Variants in ITGA2 observed in about 807,000 individuals in gnomAD.
The protein encoded by ITGA2 is integrin alpha-2.
Under a neutral mutation model 146.3 loss-of-function variants are expected in ITGA2, and 101 were observed. The observed-to-expected ratio is 0.69, with a 90% CI of 0.59 to 0.81. The LOEUF is 0.81. Among genes scored for constraint, ITGA2 ranks in the 40% least tolerant of loss-of-function variants. The pLI, the probability that ITGA2 is intolerant of heterozygous loss-of-function variation, is 0.00. For missense variants in ITGA2, 1,281 were observed against 1,402.7 expected, an observed-to-expected ratio of 0.91 and a Z score of 1.39; for synonymous variants, 477 against 487.1, an observed-to-expected ratio of 0.98 and a Z score of 0.27.
chr5:53,028,472 T>C (rs1743058716), intron 2 of ITGA2, among the ~76,000 whole-genome samples: 1 of 152,222 alleles, frequency 6.6e-6, no homozygotes, highest in Non-Finnish European at 1.5e-5. Flanking sequence ...GAGTTGCATG[T>C]CTAACAATTA....
chr5:53,026,633 A>T (rs3212667), intron 1 of ITGA2, 115 bp from the exon 2 acceptor site: 1 of 924,450 alleles, frequency 1.1e-6, no homozygotes, highest in Non-Finnish European at 1.7e-6. Flanking sequence ...GTAAACGTTG[A>T]TAAGTAATAA....
Position 53,094,003 on chromosome 5 carries a change from T to C in ITGA2, c.*3404T>C, listed in dbSNP as rs1183806468. On this transcript the variant is annotated 3_prime_UTR_variant, in exon 30 of 30. Coordinates refer to ENST00000296585, the MANE Select transcript of ITGA2 (RefSeq NM_002203.4). ...GAGTAAAACTAAAGCCAATTTATTATAGTCACACAAGTGATTATACTAAAA... is the reference window on the plus strand; with the variant it reads ...GAGTAAAACTAAAGCCAATTTATTACAGTCACACAAGTGATTATACTAAAA... 1 of 152,594 alleles carries C rather than the reference T, an allele frequency of 6.6e-6. No homozygotes were observed. Among genetic ancestry groups the C allele is most frequent in the Admixed American group, 6.5e-5 (1 of 15,282 alleles). 9.5% of individuals were successfully genotyped at this position (152,594 alleles called of 1,614,324 possible).
chr5:52,992,902 C>T (rs2111652312), intron 1 of ITGA2, among the ~76,000 whole-genome samples: 1 of 152,262 alleles, frequency 6.6e-6, no homozygotes, highest in South Asian at 2.1e-4. Context: ...CATTCACACA[C>T]ACACACCACA....
rs925967109 is a variant in ITGA2 at position 53,091,930 on chromosome 5, C to A, written c.*1331C>A. On this transcript the variant is annotated 3_prime_UTR_variant, in exon 30 of 30. Coordinates refer to ENST00000296585, the MANE Select transcript of ITGA2 (RefSeq NM_002203.4). ...TAGCAGGTGCACCTTCTGTGGCTGT[C>A]TTGTTTCTGAAGTACTTAAACTTCC... is the stretch of plus-strand genomic sequence containing the variant. 1.3e-5 allele frequency: 2 copies of A among 152,198 alleles called. No individual in the cohort carries two copies. Among genetic ancestry groups the A allele is most frequent in the Non-Finnish European group, 2.9e-5 (2 of 68,054 alleles). The allele number at this position is 152,198 out of a possible 1,614,324, so 9.4% of individuals were successfully genotyped here. A position where few individuals can be genotyped will look rare whatever the true frequency, so the allele number is the denominator to read the frequency against.
intron 7 of ITGA2, among the ~76,000 whole-genome samples, chr5:53,054,787 A>C (rs183742374): frequency 1.3e-5 from 2 of 152,154 alleles, no homozygotes; most frequent in Middle Eastern, 3.4e-3. Flanking sequence ...TCAGGGGGGA[A>C]ATGGTGGGAA....
At chr5:53,007,305 A>C (rs1741904413) in intron 1 of ITGA2, among the ~76,000 whole-genome samples, 1 of 152,196 alleles carries the variant, frequency 6.6e-6, no homozygotes, top group South Asian at 2.1e-4. Context: ...GGATGGTCAG[A>C]AAAGACCCTA....
At position 53,058,023 on chromosome 5, in the gene ITGA2, A is replaced by G. The variant is rs368880405; in HGVS notation, c.1097-2A>G. 1.9e-6 allele frequency: 3 copies of G among 1,606,882 alleles called. No individual in the cohort carries two copies. The highest frequency in any genetic ancestry group is 1.3e-5 in the African/African-American group (1 of 74,680). ...TACAATTTTTAAAATTGAATGTTCCAGGTACTGTTCAAGGAGGAGACAACT... is the reference window on the plus strand; with the variant it reads ...TACAATTTTTAAAATTGAATGTTCCGGGTACTGTTCAAGGAGGAGACAACT... On this transcript the variant is annotated splice_acceptor_variant, in intron 9 of 29. Transcript: ENST00000296585. LOFTEE classifies it high-confidence loss of function.
Position 53,062,782 on chromosome 5 carries a change from C to T in ITGA2, c.1459-4C>T. The T allele has an allele frequency of 6.2e-7, 1 of 1,610,560 alleles. No homozygotes were observed. Among genetic ancestry groups the T allele is most frequent in the Non-Finnish European group, 8.5e-7 (1 of 1,177,518 alleles). On this transcript the variant is annotated splice_polypyrimidine_tract_variant and splice_region_variant and intron_variant, in intron 12 of 29. Coordinates refer to ENST00000296585, the MANE Select transcript of ITGA2 (RefSeq NM_002203.4). ...TCTAAGTTTAACATGTTTTATTACTCCAGATTGGCTCCTATTTTGGTAGTG... is the reference window on the plus strand; with the variant it reads ...TCTAAGTTTAACATGTTTTATTACTTCAGATTGGCTCCTATTTTGGTAGTG...
chr5:53,087,408 T>C (rs1039249786), intron 28 of ITGA2, among the ~76,000 whole-genome samples: 6 of 152,184 alleles, frequency 3.9e-5, no homozygotes, highest in African/African-American at 1.4e-4. Context: ...CACAAAATGG[T>C]CTGGAGCTTA....
intron 13 of ITGA2, among the ~76,000 whole-genome samples, chr5:53,063,520 T>C (rs1216971242): frequency 2.0e-5 from 3 of 149,848 alleles, no homozygotes; most frequent in African/African-American, 4.9e-5. Flanking sequence ...TGGACTGAAC[T>C]CTCTAAATCC....
intron 1 of ITGA2, among the ~76,000 whole-genome samples, chr5:52,992,845 C>T (rs1488017906): frequency 1.3e-5 from 2 of 152,018 alleles, no homozygotes; most frequent in African/African-American, 2.4e-5. Flanking sequence ...GTACATTCTA[C>T]CTATCCAATC....
At chr5:52,996,588 C>T (rs1265083977) in intron 1 of ITGA2, among the ~76,000 whole-genome samples, 1 of 152,172 alleles carries the variant, frequency 6.6e-6, no homozygotes, top group African/African-American at 2.4e-5. Flanking sequence ...AGGTACCTCC[C>T]ATCCTCCAGA....
At chr5:53,042,354 G>A (rs765861820) in intron 3 of ITGA2, 133 bp downstream of exon 3, 25 of 679,876 alleles carry the variant, frequency 3.7e-5, no homozygotes, top group Non-Finnish European at 6.5e-5. Flanking sequence ...TAGTAATATG[G>A]GGCACAATCA....
chr5:53,069,009 G>T lies in ITGA2; in HGVS notation c.2084-1100G>T, dbSNP rs537882554. Among the ~76,000 whole-genome samples the T allele has an allele frequency of 2.6e-5, 4 of 151,500 alleles. No homozygotes were observed. The South Asian group carries it at 8.3e-4, about 32-fold the overall frequency. On this transcript the variant is annotated intron_variant, in intron 16 of 29. Transcript: ENST00000296585. ...ATTCTTTAATATTTTATCTATCTTT[G>T]TTGGCATTGTTAAGTCACTGGAGCA...
intron 10 of ITGA2, among the ~76,000 whole-genome samples, chr5:53,059,205 G>A (rs1218310951): frequency 6.6e-6 from 1 of 151,928 alleles, no homozygotes; most frequent in Non-Finnish European, 1.5e-5. Flanking sequence ...TCCAGAGTAG[G>A]CATCTTCCTT....
At chr5:53,004,924 T>TGGGGGGGGGGGGGGGG (rs1741761646) in intron 1 of ITGA2, among the ~76,000 whole-genome samples, 1 of 39,470 alleles carries the variant, frequency 2.5e-5, no homozygotes, top group African/African-American at 5.8e-5. Context: ...TTTTTTTTTT[T>TGGGGGGGGGGGGGGGG]TTTTTTTTTG....
At chr5:53,089,274 T>C (rs1740290717) in intron 28 of ITGA2, 1 of 152,086 alleles carries the variant, frequency 6.6e-6, no homozygotes, top group Admixed American at 6.6e-5. Flanking sequence ...TGAGACACTT[T>C]CCCCAATTAA....
chr5:53,086,525 TA>T (rs1746164147), intron 27 of ITGA2, among the ~76,000 whole-genome samples: 1 of 152,210 alleles, frequency 6.6e-6, no homozygotes, highest in Non-Finnish European at 1.5e-5. Context: ...CTTATTCAGG[TA>T]AGTATACAAA....
intron 29 of ITGA2, 87 bp downstream of exon 29, chr5:53,090,149 T>C: frequency 2.4e-6 from 2 of 821,414 alleles, no homozygotes; most frequent in Non-Finnish European, 2.1e-6. Flanking sequence ...AGGTTTTATA[T>C]GGTACCTTCT....
Sources: allele counts gnomAD v4.1 joint callset (sites outside exome capture counted in the v4.1 genomes callset), GRCh38; gene constraint gnomAD v4.1.1; transcripts MANE v1.5; gene names NCBI Gene and HGNC (gene_info 2026-07-23, HGNC 2026-07-21).